The following MYO18B variants were observed in gnomAD, a reference collection of about 807,000 sequenced individuals.
MYO18B encodes the protein myosin XVIIIB.
Under a neutral mutation model 273.0 loss-of-function variants are expected in MYO18B, and 204 were observed. The observed-to-expected ratio is 0.75, with a 90% confidence interval of 0.67 to 0.84. The LOEUF is 0.84. MYO18B is among the 40% of genes least tolerant of loss of function. MYO18B has a pLI of 0.00. For missense variants in MYO18B, 3,212 were observed against 3,287.6 expected (o/e 0.98, Z 0.56); for synonymous variants, 1,330 against 1,305.7 (o/e 1.02, Z -0.40).
chr22:25,814,808 A>C (rs900630389), intron 12 of MYO18B, among the ~76,000 whole-genome samples: 1 of 152,196 alleles, frequency 6.6e-6, no homozygotes, highest in Non-Finnish European at 1.5e-5. Context: ...GACATGATTT[A>C]AGTGCTTTGT....
At chr22:25,786,777 C>T (rs1414971436) in intron 11 of MYO18B, among the ~76,000 whole-genome samples, 2 of 152,156 alleles carry the variant, frequency 1.3e-5, no homozygotes, top group Admixed American at 6.5e-5. Flanking sequence ...AATCACTTAT[C>T]TGATAAAGGA....
At chr22:25,874,152 T>C in intron 22 of MYO18B, 134 bp from the exon 23 acceptor site, 1 of 1,042,962 alleles carries the variant, frequency 9.6e-7, no homozygotes, top group Non-Finnish European at 1.4e-6. Context: ...CTCCCCCACC[T>C]CCCACTTAAA....
At chr22:25,850,518 C>A (rs576594479) in intron 20 of MYO18B, among the ~76,000 whole-genome samples, 1 of 152,260 alleles carries the variant, frequency 6.6e-6, no homozygotes, top group Non-Finnish European at 1.5e-5. Flanking sequence ...AAGTTGTTAC[C>A]CTAGTGATTT....
In MYO18B at chr22:26,003,178, C is replaced by T. The variant is rs902387136; in HGVS notation, c.6288-87C>T. 7 of 1,227,768 alleles carry T rather than the reference C, an allele frequency of 5.7e-6. No individual in the cohort carries two copies. In the African/African-American group the frequency reaches 9.0e-5, roughly 16 times the overall value. The allele number at this position is 1,227,768 out of a possible 1,614,324, so 76.1% of individuals were successfully genotyped here. ...GGGCAAAGGTTGGAAGTGGGATTCA[C>T]ACTCATGTCTGTCTAACGTCAATAA... is the stretch of plus-strand genomic sequence containing the variant. On this transcript the variant is annotated intron_variant, in intron 40 of 43. Transcript: ENST00000335473.
chr22:25,845,510 C>T (rs1479203069), intron 18 of MYO18B, among the ~76,000 whole-genome samples: 1 of 151,986 alleles, frequency 6.6e-6, no homozygotes, highest in Non-Finnish European at 1.5e-5. Context: ...AGCAAGACTC[C>T]ATCTCAAAAA....
intron 29 of MYO18B, 24 bp downstream of exon 29, chr22:25,898,485 C>T (rs1432673304): frequency 1.2e-6 from 2 of 1,609,920 alleles, no homozygotes; most frequent in Non-Finnish European, 1.7e-6. Flanking sequence ...CTCACCATCA[C>T]CTGGGCTGCC....
At chr22:25,871,620 G>A (rs1446647169) in intron 22 of MYO18B, among the ~76,000 whole-genome samples, 1 of 152,102 alleles carries the variant, frequency 6.6e-6, no homozygotes, top group Non-Finnish European at 1.5e-5. Context: ...GTTTGCATCC[G>A]ATAAGCTGCT....
At chr22:25,920,375 G>A (rs1293058560) in intron 33 of MYO18B, among the ~76,000 whole-genome samples, 3 of 152,172 alleles carry the variant, frequency 2.0e-5, no homozygotes, top group South Asian at 2.1e-4. Flanking sequence ...ACCAGCTGTC[G>A]AAATTTCATG....
intron 39 of MYO18B, among the ~76,000 whole-genome samples, chr22:25,989,299 G>A (rs772034862): frequency 2.0e-5 from 3 of 152,144 alleles, no homozygotes; most frequent in African/African-American, 4.8e-5. Context: ...TTAGACATTC[G>A]TTGAACCAAT....
At chr22:25,914,389 T>G (rs1477472135) in intron 33 of MYO18B, among the ~76,000 whole-genome samples, 1 of 152,210 alleles carries the variant, frequency 6.6e-6, no homozygotes, top group Non-Finnish European at 1.5e-5. Context: ...TCCATTTATT[T>G]GTGGCTTTCA....
At position 25,895,161 on chromosome 22, in the gene MYO18B, G is replaced by A. The variant is rs370120344; in HGVS notation, c.4549G>A (p.Glu1517Lys). 4.6e-5 allele frequency: 74 copies of A among 1,612,618 alleles called. No homozygotes were observed. Among genetic ancestry groups the A allele is most frequent in the African/African-American group, 3.5e-4 (26 of 74,938 alleles). Residue 1517 changes from glutamate (E) to lysine (K), a missense_variant, in exon 28 of 44, where the codon GAG (glutamate) becomes AAG (lysine). Glu to Lys is a moderately conservative substitution (Grantham distance 56). Transcript: ENST00000335473. ...TCCCTGACTCCGTTAAACAGCAGAC[G>A]AGTGGCAGATGCGCTTCGACTGTGC... is the stretch of plus-strand genomic sequence containing the variant. ...LERNPTGGAD[E>K]WQMRFDCAQM...
intron 40 of MYO18B, among the ~76,000 whole-genome samples, chr22:25,999,441 A>G (rs116989446): frequency 0.012 from 1,902 of 152,170 alleles, 17 homozygotes; most frequent in Middle Eastern, 0.041. Flanking sequence ...ACAGCTGAAG[A>G]CATTGAATTA....
chr22:25,989,178 T>C (rs1434707234), intron 39 of MYO18B, among the ~76,000 whole-genome samples: 1 of 152,116 alleles, frequency 6.6e-6, no homozygotes, highest in Non-Finnish European at 1.5e-5. Context: ...TACCCTTTTC[T>C]CATGTCTCAG....
At chr22:26,055,925 C>T in the MYO18B span, among the ~76,000 whole-genome samples, 1 of 152,028 alleles carries the variant, frequency 6.6e-6, no homozygotes, top group Non-Finnish European at 1.5e-5. Context: ...AATCCTACGC[C>T]TGAGATGAGC....
chr22:25,802,777 C>T (rs6004769), intron 12 of MYO18B, among the ~76,000 whole-genome samples: 1 of 137,858 alleles, frequency 7.3e-6, no homozygotes, highest in Admixed American at 7.3e-5. Flanking sequence ...AAAAAAAAAA[C>T]CCCTATAGCC....
At chr22:25,793,477 G>A (rs906270630) in intron 11 of MYO18B, among the ~76,000 whole-genome samples, 2 of 151,980 alleles carry the variant, frequency 1.3e-5, no homozygotes, top group Non-Finnish European at 2.9e-5. Flanking sequence ...AGACATAAGC[G>A]ATCCTTCCAC....
At chr22:25,931,424 A>G (rs1407826814) in intron 34 of MYO18B, among the ~76,000 whole-genome samples, 1 of 152,218 alleles carries the variant, frequency 6.6e-6, no homozygotes, top group Non-Finnish European at 1.5e-5. Flanking sequence ...TTGACGGGGA[A>G]CATTGATTCT....
chr22:25,773,613 GCCA>G (rs948528467), intron 7 of MYO18B, among the ~76,000 whole-genome samples: 3 of 152,078 alleles, frequency 2.0e-5, no homozygotes, highest in Non-Finnish European at 2.9e-5. Flanking sequence ...ACAGGCACCC[GCCA>G]CCACGCCCAG....
chr22:25,923,127 G>A (rs1028323687), intron 34 of MYO18B, among the ~76,000 whole-genome samples: 1 of 152,180 alleles, frequency 6.6e-6, no homozygotes, highest in African/African-American at 2.4e-5. Context: ...GGGTTTGATG[G>A]TTTTCTCATG....
Sources: gnomAD v4.1 joint callset for allele counts (sites outside exome capture counted in the v4.1 genomes callset) on GRCh38, gnomAD v4.1.1 for gene constraint, MANE v1.5 for transcripts, NCBI Gene and HGNC (gene_info 2026-07-23, HGNC 2026-07-21) for gene names.